Variants in ZNF536 observed in about 807,000 individuals in gnomAD.
ZNF536 encodes zinc finger protein 536.
Under a neutral mutation model 84.5 loss-of-function variants are expected in ZNF536, and 13 were observed. The ratio of observed to expected loss-of-function variants is 0.15; its 90% CI spans 0.10 to 0.24. The LOEUF is 0.24. ZNF536 is among the 10% of genes least tolerant of loss of function. The probability of loss-of-function intolerance (pLI) is 1.00; values close to 1 mark genes in which losing one functional copy is unlikely to be tolerated. For synonymous variants in ZNF536, 811 were observed against 742.5 expected, an observed-to-expected ratio of 1.09 and a Z score of -1.50; for missense variants, 1,536 against 1,747.5, an observed-to-expected ratio of 0.88 and a Z score of 2.16.
In ZNF536 at chr19:30,549,206, C is replaced by T. The variant is rs775229281; in HGVS notation, c.3587C>T (p.Ala1196Val). ...GAAATGATGACCAAGCCACTGTCTG[C>T]CCTCAGCAAAGACAGCAGCAGCGAT... Reference protein sequence around the residue: ...EPEMMTKPLSALSKDSSSDGG... With the variant: ...EPEMMTKPLSVLSKDSSSDGG... The change falls in exon 4 of 5, where the codon GCC (alanine) becomes GTC (valine). Residue 1196 changes from alanine (A) to valine (V), a missense_variant. Physicochemically the swap from Ala to Val is moderately conservative, Grantham distance 64. Transcript: ENST00000355537. 6.2e-7 allele frequency: 1 copy of T among 1,614,114 alleles called. No individual in the cohort carries two copies. Among genetic ancestry groups the T allele is most frequent in the Non-Finnish European group, 8.5e-7 (1 of 1,180,056 alleles).
rs1338401556 is a variant in ZNF536 at position 30,282,251 on chromosome 19, T to C, written c.-189-1821T>C. Among the ~76,000 whole-genome samples the C allele has an allele frequency of 6.6e-5, 10 of 152,254 alleles. 1 individual carries two copies. Among genetic ancestry groups the C allele is most frequent in the Non-Finnish European group, 1.0e-4 (7 of 68,052 alleles). The stretch of plus-strand genomic sequence containing the variant: ...ACTCGTCAGCTGCCCTACTGGCGTG[T>C]TGGGCTAACCTTGCCCACGCAGGTC... On this transcript the variant is annotated intron_variant, in intron 1 of 5. Transcript: ENST00000585628.
chr19:30,534,508 A>C (rs1202677538), intron 2 of ZNF536, among the ~76,000 whole-genome samples: 2 of 152,210 alleles, frequency 1.3e-5, no homozygotes. Context: ...AATCAGATTC[A>C]ACAAACACCA....
intron 1 of ZNF536, among the ~76,000 whole-genome samples, chr19:30,587,192 C>G (rs1268176172): frequency 6.6e-6 from 1 of 152,092 alleles, no homozygotes; most frequent in Non-Finnish European, 1.5e-5. Flanking sequence ...AAAGATTTTT[C>G]TTTTTATTTT....
At chr19:30,292,770 G>A (rs1352537444) in intron 2 of ZNF536, among the ~76,000 whole-genome samples, 2 of 152,188 alleles carry the variant, frequency 1.3e-5, no homozygotes, top group Non-Finnish European at 2.9e-5. Flanking sequence ...TGTTAGGTGA[G>A]CTAAGCTTTC....
chr19:30,452,427 C>T (rs2052649425), intron 2 of ZNF536, among the ~76,000 whole-genome samples: 1 of 152,232 alleles, frequency 6.6e-6, no homozygotes, highest in Non-Finnish European at 1.5e-5. Context: ...CCACGTCTGC[C>T]CCTTCTCCCT....
chr19:30,457,450 A>G lies in ZNF536; in HGVS notation c.2170+11718A>G, dbSNP rs114969710. Among the ~76,000 whole-genome samples the G allele has an allele frequency of 8.9e-3, 1,352 of 152,294 alleles. 21 individuals carry two copies. The highest frequency in any genetic ancestry group is 0.031 in the African/African-American group (1,304 of 41,568). On this transcript the variant is annotated intron_variant, in intron 2 of 4. Coordinates refer to ENST00000355537, the MANE Select transcript of ZNF536 (RefSeq NM_014717.3). ...AGAGTCCAGTGGGTGCTTCCCAGGA[A>G]GGCATCCCAGGCTGGGAAGGGAGGG...
intron 1 of ZNF536, among the ~76,000 whole-genome samples, chr19:30,250,588 T>G (rs972924756): frequency 6.6e-6 from 1 of 152,166 alleles, no homozygotes; most frequent in Non-Finnish European, 1.5e-5. Flanking sequence ...AGCAGGACCT[T>G]GCTAGGGCTG....
intron 1 of ZNF536, among the ~76,000 whole-genome samples, chr19:30,269,778 G>A (rs2025723380): frequency 6.6e-6 from 1 of 152,122 alleles, no homozygotes; most frequent in Admixed American, 6.5e-5. Flanking sequence ...TTGTACGAAC[G>A]AAGATGCCAC....
intron 1 of ZNF536, among the ~76,000 whole-genome samples, chr19:30,399,492 T>C (rs1399517596): frequency 6.6e-6 from 1 of 152,160 alleles, no homozygotes; most frequent in Non-Finnish European, 1.5e-5. Flanking sequence ...TCTTTGCCCA[T>C]GCTTATGTCC....
At chr19:30,344,648 G>A (rs551209650) in intron 2 of ZNF536, among the ~76,000 whole-genome samples, 3 of 149,396 alleles carry the variant, frequency 2.0e-5, no homozygotes, top group Non-Finnish European at 4.4e-5. Flanking sequence ...CGAGTCCCTC[G>A]CTTGGGCTGG....
intron 2 of ZNF536, among the ~76,000 whole-genome samples, chr19:30,518,706 G>A (rs765100698): frequency 2.0e-5 from 3 of 152,228 alleles, no homozygotes; most frequent in Non-Finnish European, 4.4e-5. Context: ...GCAATGTGAT[G>A]TTGCCTTTTA....
intron 1 of ZNF536, among the ~76,000 whole-genome samples, chr19:30,685,755 C>T (rs946539856): frequency 3.3e-5 from 5 of 152,176 alleles, no homozygotes; most frequent in African/African-American, 1.2e-4. Context: ...CCGTCCCAGC[C>T]GCTGCCGCCG....
At chr19:30,253,644 C>G (rs1450930113) in intron 1 of ZNF536, among the ~76,000 whole-genome samples, 1 of 152,186 alleles carries the variant, frequency 6.6e-6, no homozygotes, top group African/African-American at 2.4e-5. Context: ...GCTTCCCCAC[C>G]CATGGGCTGT....
At chr19:30,339,940 A>G (rs767762146) in intron 2 of ZNF536, among the ~76,000 whole-genome samples, 4 of 152,098 alleles carry the variant, frequency 2.6e-5, no homozygotes, top group Non-Finnish European at 5.9e-5. Flanking sequence ...GTATCCTGCA[A>G]GGGTGAGCTG....
At chr19:30,589,739 G>A (rs1014708500) in intron 1 of ZNF536, among the ~76,000 whole-genome samples, 4 of 152,150 alleles carry the variant, frequency 2.6e-5, no homozygotes, top group African/African-American at 9.7e-5. Context: ...AAGGAAGCTG[G>A]GGTGTTCATT....
rs879507833 is a variant in ZNF536 at position 30,409,022 on chromosome 19, CCATCCATCCATCCACTCATT to C, written c.-2-34519_-2-34500del. Among the ~76,000 whole-genome samples the C allele has an allele frequency of 1.9e-3, 294 of 151,802 alleles. 2 individuals carry two copies. Among genetic ancestry groups the C allele is most frequent in the African/African-American group, 6.7e-3 (277 of 41,376 alleles). ...TCCATTGGTCCATCCATCCATCCATCCATCCATCCATCCACTCATTCATCCATCCATCCACTCATCCATCC... is the reference window on the plus strand; with the variant it reads ...TCCATTGGTCCATCCATCCATCCATCCATCCATCCATCCACTCATCCATCC... On this transcript the variant is annotated intron_variant, in intron 1 of 4. Transcript: ENST00000355537.
At position 30,593,332 on chromosome 19, in the gene ZNF536, G is replaced by A. The variant is rs1447292368; in HGVS notation, c.169+43818G>A. 3.9e-5 allele frequency among the ~76,000 whole-genome samples: 6 copies of A among 152,064 alleles called. No individual in the cohort carries two copies. The East Asian group carries it at 1.2e-3, about 29-fold the overall frequency. On this transcript the variant is annotated intron_variant, in intron 1 of 1. Coordinates refer to the ZNF536 transcript ENST00000592773. ...AGGAACCTCATGAGGCTGACTTCAG[G>A]GTCTTCACTAAGAGGCCATCCACTG...
At chr19:30,387,485 C>T (rs1041136113) in intron 1 of ZNF536, among the ~76,000 whole-genome samples, 2 of 152,158 alleles carry the variant, frequency 1.3e-5, no homozygotes, top group Non-Finnish European at 2.9e-5. Context: ...TGCCTCTTTC[C>T]AAGCCATTTA....
chr19:30,246,249 A>G (rs1328501409), intron 1 of ZNF536, among the ~76,000 whole-genome samples: 5 of 152,168 alleles, frequency 3.3e-5, no homozygotes, highest in Admixed American at 3.3e-4. Flanking sequence ...GTGCAACTGA[A>G]GAATCTGTTT....
Sources: gnomAD v4.1 joint callset for allele counts (sites outside exome capture counted in the v4.1 genomes callset) on GRCh38, gnomAD v4.1.1 for gene constraint, MANE v1.5 for transcripts, NCBI Gene and HGNC (gene_info 2026-07-23, HGNC 2026-07-21) for gene names.